CSMD2: variants seen among roughly 807,000 people sequenced by gnomAD.
The protein encoded by CSMD2 is CUB and Sushi multiple domains 2, also known as CUB and sushi domain-containing protein 2.
In CSMD2, 130 loss-of-function variants were observed where a neutral mutation model predicts 398.5. The ratio of observed to expected loss-of-function variants is 0.33; its 90% CI spans 0.28 to 0.38. CSMD2 has a LOEUF of 0.38. Ranked by LOEUF, CSMD2 falls within the 10% of genes least tolerant of loss-of-function variation. The probability of loss-of-function intolerance (pLI) is 1.00; values close to 1 mark genes in which losing one functional copy is unlikely to be tolerated. For missense variants in CSMD2, 3,829 were observed against 4,764.9 expected (o/e 0.80, Z 5.78); for synonymous variants, 1,828 against 1,908.5 (o/e 0.96, Z 1.10).
chr1:33,991,181 A>T (rs2147996763), intron 3 of CSMD2, among the ~76,000 whole-genome samples: 1 of 152,038 alleles, frequency 6.6e-6, no homozygotes, highest in African/African-American at 2.4e-5. Flanking sequence ...GATATTTTTC[A>T]TTTTTTGTAG....
intron 2 of CSMD2, among the ~76,000 whole-genome samples, chr1:34,071,781 G>A (rs948328203): frequency 2.6e-5 from 4 of 152,200 alleles, no homozygotes; most frequent in Admixed American, 1.3e-4. Context: ...TAAACTGTTC[G>A]CCAAAGACAA....
chr1:33,855,812 CACTCA>C (rs1392940404), intron 5 of CSMD2, among the ~76,000 whole-genome samples: 1 of 152,202 alleles, frequency 6.6e-6, no homozygotes, highest in Non-Finnish European at 1.5e-5. Flanking sequence ...AGCATATTCA[CACTCA>C]ACTCTACTCA....
intron 10 of CSMD2, among the ~76,000 whole-genome samples, chr1:33,807,467 T>G (rs2124948265): frequency 6.6e-6 from 1 of 152,234 alleles, no homozygotes; most frequent in South Asian, 2.1e-4. Context: ...GAAAATAAAT[T>G]TTAAAGCATG....
intron 1 of CSMD2, among the ~76,000 whole-genome samples, chr1:34,159,333 C>A (rs999309369): frequency 2.6e-4 from 18 of 69,334 alleles, no homozygotes; most frequent in African/African-American, 7.7e-4. Context: ...AGCCTGCCCC[C>A]CCCCCACCCA....
chr1:33,699,715 C>A (rs1343011432), intron 23 of CSMD2, among the ~76,000 whole-genome samples: 1 of 152,236 alleles, frequency 6.6e-6, no homozygotes. Context: ...ACCATACATT[C>A]TCCCACCTAA....
intron 6 of CSMD2, among the ~76,000 whole-genome samples, chr1:33,829,529 C>A (rs1249983130): frequency 6.6e-6 from 1 of 152,174 alleles, no homozygotes; most frequent in Admixed American, 6.5e-5. Flanking sequence ...CTGGAGGAGC[C>A]AAGGTGGCCG....
At chr1:33,587,403 C>T (rs964857311) in intron 44 of CSMD2, among the ~76,000 whole-genome samples, 1 of 152,178 alleles carries the variant, frequency 6.6e-6, no homozygotes, top group Non-Finnish European at 1.5e-5. Flanking sequence ...GTGACACCAT[C>T]ACCAGCACTG....
intron 23 of CSMD2, among the ~76,000 whole-genome samples, chr1:33,699,216 C>T (rs1422464436): frequency 6.6e-6 from 1 of 152,122 alleles, no homozygotes; most frequent in Non-Finnish European, 1.5e-5. Context: ...TGTTTGACCC[C>T]GTAGCATTTT....
intron 7 of CSMD2, among the ~76,000 whole-genome samples, chr1:33,820,812 C>T (rs1252282422): frequency 6.6e-6 from 1 of 151,720 alleles, no homozygotes; most frequent in Non-Finnish European, 1.5e-5. Flanking sequence ...CAGAGACAGG[C>T]CCTCCATGCC....
chr1:33,731,611 T>A (rs942214087), intron 15 of CSMD2, among the ~76,000 whole-genome samples: 1 of 152,142 alleles, frequency 6.6e-6, no homozygotes, highest in Admixed American at 6.5e-5. Context: ...TCCAGATAAA[T>A]GACCCGACTT....
Position 33,567,719 on chromosome 1 carries a change from C to T in CSMD2, c.8254G>A (p.Gly2752Arg). The T allele has an allele frequency of 6.2e-7, 1 of 1,614,124 alleles. No homozygotes were observed. The highest frequency in any genetic ancestry group is 8.5e-7 in the Non-Finnish European group (1 of 1,180,014). The change falls in exon 53 of 71, where the codon GGG (glycine) becomes AGG (arginine). Residue 2752 changes from glycine to arginine, a missense_variant. Coordinates refer to ENST00000373381, the MANE Select transcript of CSMD2 (RefSeq NM_001281956.2). Reference protein sequence around the residue: ...PEPIVNGHINGENYSYRGSVV... With the variant: ...PEPIVNGHINRENYSYRGSVV... The stretch of plus-strand genomic sequence containing the variant: ...CTGCCCCGGTAGCTGTAGTTCTCCC[C>T]ATTGATGTGTCCGTTGACAATGGGC...
intron 22 of CSMD2, among the ~76,000 whole-genome samples, chr1:33,707,003 T>C (rs1008215209): frequency 5.1e-4 from 77 of 152,186 alleles, no homozygotes; most frequent in African/African-American, 1.7e-3. Context: ...TTTCTTACCC[T>C]GACCACCTCA....
intron 9 of CSMD2, among the ~76,000 whole-genome samples, chr1:33,819,023 G>A (rs1657792960): frequency 6.6e-6 from 1 of 152,222 alleles, no homozygotes; most frequent in Non-Finnish European, 1.5e-5. Context: ...TAACAGCCTA[G>A]TGCACAGGGG....
At chr1:34,016,787 TATAGATAG>T (rs200651463) in intron 3 of CSMD2, among the ~76,000 whole-genome samples, 2 of 146,312 alleles carry the variant, frequency 1.4e-5, no homozygotes, top group South Asian at 2.5e-4. Context: ...TACTATTTGA[TATAGATAG>T]ATAGATAGAC....
intron 1 of CSMD2, among the ~76,000 whole-genome samples, chr1:34,158,089 G>C (rs1435945751): frequency 6.6e-6 from 1 of 152,168 alleles, no homozygotes; most frequent in Non-Finnish European, 1.5e-5. Flanking sequence ...GCTCTCTAGA[G>C]TCCAGGGGAA....
At chr1:33,957,960 C>T (rs1029107598) in intron 3 of CSMD2, among the ~76,000 whole-genome samples, 10 of 151,472 alleles carry the variant, frequency 6.6e-5, no homozygotes, top group South Asian at 2.1e-4. Context: ...TGTGTGTGCA[C>T]GCACGCATGT....
Position 33,546,091 on chromosome 1 carries a change from C to T in CSMD2, c.9046G>A (p.Glu3016Lys), listed in dbSNP as rs1472510422. 2 of 1,614,044 alleles carry T rather than the reference C, an allele frequency of 1.2e-6. No individual in the cohort carries two copies. The highest frequency in any genetic ancestry group is 1.7e-6 in the Non-Finnish European group (2 of 1,180,040). Residue 3016 changes from glutamate (E) to lysine (K), a missense_variant, in exon 57 of 71, where the codon GAG becomes AAG. By Grantham distance (56) the Glu-to-Lys change is moderately conservative. Coordinates refer to ENST00000373381, the MANE Select transcript of CSMD2 (RefSeq NM_001281956.2). ...EAGHVLRGSSERTCQANGSWS... is the reference protein window; with the variant it reads ...EAGHVLRGSSKRTCQANGSWS... ...GAGCCATTGGCTTGACAGGTGCGCT[C>T]TGACGATCCCCGGAGCACGTGGCCA...
chr1:34,165,803 A>T, upstream of CSMD2: 1 of 1,610,790 alleles, frequency 6.2e-7, no homozygotes, highest in Non-Finnish European at 8.5e-7. Flanking sequence ...GGCGATGCTT[A>T]TGAGCCTCAT....
intron 2 of CSMD2, among the ~76,000 whole-genome samples, chr1:34,035,981 T>C (rs1289606726): frequency 6.6e-6 from 1 of 152,144 alleles, no homozygotes; most frequent in African/African-American, 2.4e-5. Flanking sequence ...TACATACCCA[T>C]TGGAACAGCT....
Sources: allele counts gnomAD v4.1 joint callset (sites outside exome capture counted in the v4.1 genomes callset), GRCh38; gene constraint gnomAD v4.1.1; transcripts MANE v1.5; gene names NCBI Gene and HGNC (gene_info 2026-07-23, HGNC 2026-07-21).